BTAF1: variants seen among roughly 807,000 people sequenced by gnomAD.
BTAF1 encodes B-TFIID TATA-box binding protein associated factor 1.
A neutral mutation model predicts 227.1 loss-of-function variants in BTAF1; 38 were observed. That is an observed-to-expected ratio of 0.17 (90% CI 0.13 to 0.22). The LOEUF is 0.22. Among genes scored for constraint, BTAF1 ranks in the 10% least tolerant of loss-of-function variants. BTAF1 has a pLI of 1.00. For missense variants in BTAF1, 1,598 were observed against 2,204.0 expected (o/e 0.73, Z 5.51); for synonymous variants, 742 against 751.9 (o/e 0.99, Z 0.21).
intron 21 of BTAF1, among the ~76,000 whole-genome samples, chr10:91,993,394 GA>G (rs202158930): frequency 6.6e-6 from 1 of 151,630 alleles, no homozygotes; most frequent in Admixed American, 6.6e-5. Context: ...AGAGAAGGAG[GA>G]AAAAAAATGT....
At chr10:91,929,402 CAT>C (rs1464736233) in intron 1 of BTAF1, among the ~76,000 whole-genome samples, 1 of 152,210 alleles carries the variant, frequency 6.6e-6, no homozygotes, top group Non-Finnish European at 1.5e-5. Flanking sequence ...AGATTTCTCA[CAT>C]ATCTTTGCAT....
Position 92,002,546 on chromosome 10 carries a change from T to C in BTAF1, c.3660+4795T>C, listed in dbSNP as rs541993366. On this transcript the variant is annotated intron_variant, in intron 25 of 37. Transcript: ENST00000265990. ...CTTAAAATTTCCATGAGGATAAATA[T>C]ATGAAGATTTTGGTATTTGTAAAGC... 7.6e-4 allele frequency among the ~76,000 whole-genome samples: 115 copies of C among 152,278 alleles called. 2 individuals carry two copies. The highest frequency in any genetic ancestry group is 1.2e-3 in the Admixed American group (19 of 15,288).
intron 25 of BTAF1, among the ~76,000 whole-genome samples, chr10:92,004,620 A>G (rs962279030): frequency 1.3e-5 from 2 of 152,124 alleles, no homozygotes; most frequent in African/African-American, 4.8e-5. Flanking sequence ...GGTGTGTGCC[A>G]CCATGCCCAG....
chr10:91,944,381 T>A (rs1408629724), intron 4 of BTAF1, among the ~76,000 whole-genome samples: 1 of 152,192 alleles, frequency 6.6e-6, no homozygotes, highest in Non-Finnish European at 1.5e-5. Context: ...TGGTCTGGGT[T>A]TCCTTTGCAG....
intron 25 of BTAF1, among the ~76,000 whole-genome samples, chr10:92,006,381 A>G (rs560835906): frequency 6.6e-6 from 1 of 152,364 alleles, no homozygotes; most frequent in East Asian, 1.9e-4. Flanking sequence ...AATCCTATCA[A>G]TGAATGTTTC....
intron 12 of BTAF1, among the ~76,000 whole-genome samples, chr10:91,963,434 A>AG (rs1846663251): frequency 1.3e-5 from 2 of 151,966 alleles, no homozygotes; most frequent in African/African-American, 4.8e-5. Flanking sequence ...AAAAAAAAAA[A>AG]AATTATTTTT....
At chr10:91,991,265 AATATAAATATATATAT>A (rs376206505) in intron 20 of BTAF1, among the ~76,000 whole-genome samples, 9,760 of 90,062 alleles carry the variant, frequency 0.11, 1,054 homozygotes, top group South Asian at 0.19. Flanking sequence ...TATAAATATA[AATATAAATATATATAT>A]ATATATATAT....
intron 4 of BTAF1, among the ~76,000 whole-genome samples, chr10:91,946,166 C>T (rs917816273): frequency 6.6e-6 from 1 of 152,134 alleles, no homozygotes; most frequent in Non-Finnish European, 1.5e-5. Context: ...TGAGACCAGC[C>T]TGACCAACAT....
At chr10:91,987,125 T>G (rs1046791044) in intron 19 of BTAF1, among the ~76,000 whole-genome samples, 4 of 151,770 alleles carry the variant, frequency 2.6e-5, no homozygotes, top group Non-Finnish European at 2.9e-5. Context: ...TTTTTTTTTT[T>G]TTTTTGACAA....
intron 2 of BTAF1, 45 bp downstream of exon 2, chr10:91,935,825 C>T (rs1388627041): frequency 6.9e-7 from 1 of 1,450,712 alleles, no homozygotes; most frequent in Non-Finnish European, 9.3e-7. Context: ...ATTGTAGAGA[C>T]TTATTCATGG....
chr10:91,965,293 T>C (rs1344932711), intron 13 of BTAF1, among the ~76,000 whole-genome samples: 1 of 152,218 alleles, frequency 6.6e-6, no homozygotes, highest in African/African-American at 2.4e-5. Flanking sequence ...TTCATTACTG[T>C]AAATCAAGGA....
At chr10:91,950,148 T>TGTTC (rs1554851556) in intron 4 of BTAF1, among the ~76,000 whole-genome samples, 4 of 24,430 alleles carry the variant, frequency 1.6e-4, no homozygotes, top group Non-Finnish European at 4.1e-4. Context: ...TTGTCCTTTG[T>TGTTC]GGGGGGGGGC....
chr10:91,973,415 A>G (rs2133949379), intron 14 of BTAF1, among the ~76,000 whole-genome samples: 1 of 152,344 alleles, frequency 6.6e-6, no homozygotes, highest in Admixed American at 6.5e-5. Flanking sequence ...TAGTACAGAT[A>G]CTAAAAGAAT....
At position 91,962,723 on chromosome 10, in the gene BTAF1, C is replaced by G. The variant is rs768921037; in HGVS notation, c.1404+45C>G. The G allele has an allele frequency of 4.7e-6, 7 of 1,497,280 alleles. 1 individual carries two copies. In the South Asian group the frequency reaches 9.2e-5, roughly 20 times the overall value. The allele number at this position is 1,497,280 out of a possible 1,614,324, so 92.7% of individuals were successfully genotyped here. On this transcript the variant is annotated intron_variant, in intron 12 of 37. Coordinates refer to ENST00000265990, the MANE Select transcript of BTAF1 (RefSeq NM_003972.3). Reference sequence around the variant, plus strand: ...AGTTTCTTACTATAGAGCTTGTTTTCATTTGGGATATGGAGTATTAGAAAA... The same window carrying G: ...AGTTTCTTACTATAGAGCTTGTTTTGATTTGGGATATGGAGTATTAGAAAA...
intron 8 of BTAF1, 77 bp from the exon 9 acceptor site, chr10:91,958,988 T>A: frequency 2.3e-6 from 3 of 1,294,312 alleles, no homozygotes; most frequent in Non-Finnish European, 3.3e-6. Context: ...CCAGTATCCC[T>A]ATTTCGTATA....
intron 34 of BTAF1, among the ~76,000 whole-genome samples, chr10:92,023,548 A>G (rs1285710415): frequency 1.3e-5 from 2 of 152,096 alleles, no homozygotes; most frequent in Non-Finnish European, 2.9e-5. Context: ...ACTGGGCGTG[A>G]TGGCAGGCAC....
chr10:91,925,021 C>G (rs565849215), intron 1 of BTAF1, among the ~76,000 whole-genome samples: 1 of 149,606 alleles, frequency 6.7e-6, no homozygotes, highest in Non-Finnish European at 1.5e-5. Context: ...TTATAATTAA[C>G]TGAACACATT....
intron 4 of BTAF1, among the ~76,000 whole-genome samples, chr10:91,946,772 A>G (rs1028636559): frequency 4.6e-5 from 7 of 151,888 alleles, no homozygotes; most frequent in African/African-American, 1.5e-4. Flanking sequence ...ATAAGTTGTA[A>G]GAGTATATGT....
At chr10:91,951,220 A>G (rs556612736) in intron 4 of BTAF1, among the ~76,000 whole-genome samples, 183 bp from the exon 5 acceptor site, 8 of 152,350 alleles carry the variant, frequency 5.3e-5, no homozygotes, top group African/African-American at 1.9e-4. Flanking sequence ...TTTGTTAACT[A>G]GACCAGTATT....
Sources: gnomAD v4.1 joint callset for allele counts (sites outside exome capture counted in the v4.1 genomes callset) on GRCh38, gnomAD v4.1.1 for gene constraint, MANE v1.5 for transcripts, NCBI Gene and HGNC (gene_info 2026-07-23, HGNC 2026-07-21) for gene names.